Variants in ABCD3 observed in about 807,000 individuals in gnomAD.
ABCD3 encodes the protein ATP-binding cassette sub-family D member 3.
ABCD3 carries 41 observed loss-of-function variants against 105.5 expected under a neutral mutation model. That is an observed-to-expected ratio of 0.39 (90% CI 0.30 to 0.50). The LOEUF is 0.50. ABCD3 is among the 20% of genes least tolerant of loss of function. The pLI is 0.84. For missense variants in ABCD3, 622 were observed against 806.3 expected (o/e 0.77, Z 2.77); for synonymous variants, 258 against 269.0 (o/e 0.96, Z 0.40).
chr1:94,418,691 C>G, intron 1 of ABCD3, 103 bp downstream of exon 1: 1 of 1,298,346 alleles, frequency 7.7e-7, no homozygotes, highest in Non-Finnish European at 1.1e-6. Context: ...CCGACGGGGT[C>G]GGGCGGAGAG....
At chr1:94,393,690 C>CA in the ABCD3 span, among the ~76,000 whole-genome samples, 1 of 152,010 alleles carries the variant, frequency 6.6e-6, no homozygotes, top group Non-Finnish European at 1.5e-5. Flanking sequence ...TGAAGACACA[C>CA]ACACACACAA....
At chr1:94,498,266 CT>C (rs898868226) in intron 16 of ABCD3, among the ~76,000 whole-genome samples, 3 of 151,924 alleles carry the variant, frequency 2.0e-5, no homozygotes, top group African/African-American at 7.3e-5. Flanking sequence ...AGATGAGGGT[CT>C]TGTTTTATTT....
the ABCD3 span, among the ~76,000 whole-genome samples, chr1:94,396,994 G>T: frequency 6.6e-6 from 1 of 152,024 alleles, no homozygotes; most frequent in Admixed American, 6.5e-5. Flanking sequence ...ATTTTTTTAG[G>T]ATTTGTCTAT....
At chr1:94,409,997 T>C in the ABCD3 span, among the ~76,000 whole-genome samples, 1 of 152,162 alleles carries the variant, frequency 6.6e-6, no homozygotes, top group Non-Finnish European at 1.5e-5. Flanking sequence ...TGACTGGATA[T>C]ACAGATGGAC....
chr1:94,468,035 A>G (rs1330017361), intron 4 of ABCD3, 28 bp downstream of exon 4: 1 of 1,448,500 alleles, frequency 6.9e-7, no homozygotes, highest in Non-Finnish European at 9.7e-7. Flanking sequence ...TTCCTCCTAT[A>G]TGTATGAAAT....
chr1:94,412,917 T>A, the ABCD3 span, among the ~76,000 whole-genome samples: 2 of 152,216 alleles, frequency 1.3e-5, no homozygotes, highest in African/African-American at 2.4e-5. Flanking sequence ...GCTCATTTTT[T>A]AAATTTAGCT....
chr1:94,486,359 C>G (rs1649280171), intron 10 of ABCD3, among the ~76,000 whole-genome samples: 1 of 152,184 alleles, frequency 6.6e-6, no homozygotes, highest in Non-Finnish European at 1.5e-5. Flanking sequence ...CTCTAATTAT[C>G]TTGTTTACTA....
chr1:94,473,722 T>C, intron 4 of ABCD3, 44 bp from the exon 5 acceptor site: 2 of 1,461,570 alleles, frequency 1.4e-6, no homozygotes, highest in Non-Finnish European at 1.9e-6. Context: ...AGTGTTAGAT[T>C]TTGCTTCTTT....
intron 1 of ABCD3, among the ~76,000 whole-genome samples, chr1:94,425,691 C>G (rs1361462150): frequency 6.6e-6 from 1 of 152,168 alleles, no homozygotes; most frequent in East Asian, 1.9e-4. Flanking sequence ...GACTTAATTA[C>G]CTACTCATCA....
chr1:94,389,453 C>T, the ABCD3 span, among the ~76,000 whole-genome samples: 1 of 152,230 alleles, frequency 6.6e-6, no homozygotes, highest in African/African-American at 2.4e-5. Flanking sequence ...CAAACAATAG[C>T]ATGAGCGATC....
At chr1:94,512,585 G>T (rs985959054) in intron 21 of ABCD3, among the ~76,000 whole-genome samples, 7 of 151,676 alleles carry the variant, frequency 4.6e-5, no homozygotes, top group African/African-American at 1.7e-4. Context: ...GTTTTTTTAT[G>T]AATAAAACTC....
At chr1:94,514,070 TATC>T (rs1650814294) in intron 21 of ABCD3, 1 of 152,012 alleles carries the variant, frequency 6.6e-6, no homozygotes. Flanking sequence ...TTTTAAAAAT[TATC>T]ATCAAAATGA....
At chr1:94,438,293 CACACACAT>C (rs1426964518) in intron 1 of ABCD3, among the ~76,000 whole-genome samples, 361 of 120,936 alleles carry the variant, frequency 3.0e-3, no homozygotes, top group African/African-American at 0.01. Flanking sequence ...CACACACACA[CACACACAT>C]ACACACACAC....
intron 16 of ABCD3, among the ~76,000 whole-genome samples, chr1:94,496,946 T>C (rs1649848449): frequency 6.6e-6 from 1 of 151,920 alleles, no homozygotes. Flanking sequence ...TTTTGTATCT[T>C]TAGTAGAGAC....
upstream of ABCD3, among the ~76,000 whole-genome samples, chr1:94,414,864 T>G (rs1411704452): frequency 6.6e-6 from 1 of 152,204 alleles, no homozygotes; most frequent in Non-Finnish European, 1.5e-5. Flanking sequence ...CTTAATACAA[T>G]AAACACATTA....
At chr1:94,411,878 T>C in the ABCD3 span, among the ~76,000 whole-genome samples, 3 of 152,154 alleles carry the variant, frequency 2.0e-5, no homozygotes, top group Non-Finnish European at 4.4e-5. Context: ...TTATGCTAAG[T>C]GAAAGAAGCC....
chr1:94,389,394 C>T, the ABCD3 span, among the ~76,000 whole-genome samples: 3 of 152,214 alleles, frequency 2.0e-5, no homozygotes, highest in Non-Finnish European at 4.4e-5. Flanking sequence ...GGGCAAGGAA[C>T]ACCTGGCCCA....
chr1:94,459,051 A>G (rs571005757), intron 2 of ABCD3, among the ~76,000 whole-genome samples: 9 of 144,284 alleles, frequency 6.2e-5, no homozygotes, highest in African/African-American at 1.6e-4. Context: ...CTTTTCTTCA[A>G]AATTTTCTTT....
intron 1 of ABCD3, among the ~76,000 whole-genome samples, chr1:94,447,388 T>C (rs1437434968): frequency 6.6e-6 from 1 of 152,214 alleles, no homozygotes; most frequent in Non-Finnish European, 1.5e-5. Flanking sequence ...CCTGCTATGA[T>C]TAAAAAAAAT....
Sources: gnomAD v4.1 joint callset for allele counts (sites outside exome capture counted in the v4.1 genomes callset) on GRCh38, gnomAD v4.1.1 for gene constraint, MANE v1.5 for transcripts, NCBI Gene and HGNC (gene_info 2026-07-23, HGNC 2026-07-21) for gene names.